Variants in GRIP1 observed in about 807,000 individuals in gnomAD.
GRIP1 encodes glutamate receptor-interacting protein 1.
In GRIP1, 45 loss-of-function variants were observed where a neutral mutation model predicts 129.9. The ratio of observed to expected loss-of-function variants is 0.35; its 90% CI spans 0.27 to 0.44. The LOEUF is 0.44. GRIP1 is among the 20% of genes least tolerant of loss of function. The pLI is 1.00. For missense variants in GRIP1, 1,196 were observed against 1,396.8 expected (o/e 0.86, Z 2.29); for synonymous variants, 530 against 520.8 (o/e 1.02, Z -0.24).
intron 1 of GRIP1, among the ~76,000 whole-genome samples, chr12:66,836,300 C>T (rs923201030): frequency 3.9e-5 from 6 of 152,152 alleles, no homozygotes; most frequent in African/African-American, 1.4e-4. Context: ...AACCTCATCT[C>T]CCTCAAGAAG....
intron 4 of GRIP1, among the ~76,000 whole-genome samples, chr12:66,536,909 G>T (rs1027412637): frequency 6.6e-6 from 1 of 152,084 alleles, no homozygotes; most frequent in African/African-American, 2.4e-5. Flanking sequence ...AGAGCAAAAA[G>T]CTATCTCAGG....
chr12:66,794,288 G>A (rs1382540022), intron 1 of GRIP1, among the ~76,000 whole-genome samples: 1 of 152,158 alleles, frequency 6.6e-6, no homozygotes. Context: ...GTGGCTTATG[G>A]GAATCAGTCT....
intron 1 of GRIP1, among the ~76,000 whole-genome samples, chr12:66,957,657 T>C (rs563839454): frequency 6.6e-6 from 1 of 152,134 alleles, no homozygotes; most frequent in Admixed American, 6.5e-5. Flanking sequence ...TGGTCATAGG[T>C]TCTGAAGAGT....
At chr12:66,391,537 G>A (rs560877028) in intron 19 of GRIP1, among the ~76,000 whole-genome samples, 1 of 152,178 alleles carries the variant, frequency 6.6e-6, no homozygotes, top group Admixed American at 6.5e-5. Context: ...TTCCTATATT[G>A]TGATTATAGT....
At chr12:66,677,366 T>C (rs2034385141) in intron 1 of GRIP1, among the ~76,000 whole-genome samples, 1 of 152,166 alleles carries the variant, frequency 6.6e-6, no homozygotes, top group African/African-American at 2.4e-5. Context: ...ATACTGATTG[T>C]TTCATGTTTA....
intron 1 of GRIP1, among the ~76,000 whole-genome samples, chr12:67,058,805 A>G (rs2043480925): frequency 1.3e-5 from 2 of 152,178 alleles, no homozygotes; most frequent in South Asian, 4.1e-4. Context: ...CCCCTTTATC[A>G]TACAGTCACC....
chr12:66,858,660 A>G (rs2040048442), intron 1 of GRIP1, among the ~76,000 whole-genome samples: 1 of 151,974 alleles, frequency 6.6e-6, no homozygotes, highest in South Asian at 2.1e-4. Flanking sequence ...AGAATTTATA[A>G]TAGGCTTCTT....
intron 9 of GRIP1, among the ~76,000 whole-genome samples, chr12:66,456,658 A>ATT (rs5798825): frequency 4.0e-5 from 6 of 151,722 alleles, no homozygotes; most frequent in African/African-American, 7.3e-5. Context: ...GATTAAGAAC[A>ATT]TTTTTTTTAA....
intron 4 of GRIP1, among the ~76,000 whole-genome samples, chr12:66,531,886 A>G (rs2061473949): frequency 6.6e-6 from 1 of 152,234 alleles, no homozygotes; most frequent in Admixed American, 6.5e-5. Flanking sequence ...GAACTCTGCA[A>G]AAATGGTTTA....
chr12:66,635,636 TA>T (rs1198554460), intron 1 of GRIP1, among the ~76,000 whole-genome samples: 2 of 151,876 alleles, frequency 1.3e-5, no homozygotes, highest in Non-Finnish European at 2.9e-5. Context: ...AAAGCCACCA[TA>T]AAGAGATTGT....
chr12:67,003,316 A>T (rs1386377789), intron 1 of GRIP1, among the ~76,000 whole-genome samples: 7 of 152,160 alleles, frequency 4.6e-5, no homozygotes, highest in Admixed American at 4.6e-4. Flanking sequence ...TTTTTCATTT[A>T]TAGTATTAAT....
At chr12:66,446,282 G>T (rs1050184049) in intron 11 of GRIP1, among the ~76,000 whole-genome samples, 1 of 151,966 alleles carries the variant, frequency 6.6e-6, no homozygotes, top group Non-Finnish European at 1.5e-5. Flanking sequence ...TCATGAAAGG[G>T]CTGCTCCACT....
chr12:66,815,557 T>C (rs2039190692), intron 1 of GRIP1, among the ~76,000 whole-genome samples: 1 of 151,994 alleles, frequency 6.6e-6, no homozygotes, highest in Admixed American at 6.6e-5. Flanking sequence ...GCCCAGGAGT[T>C]CAAGACCAGC....
chr12:66,736,290 T>C (rs2036594122), intron 1 of GRIP1, among the ~76,000 whole-genome samples: 1 of 146,240 alleles, frequency 6.8e-6, no homozygotes, highest in Non-Finnish European at 1.5e-5. Context: ...AGCAATCCTC[T>C]TACCTCAACC....
intron 1 of GRIP1, among the ~76,000 whole-genome samples, chr12:67,062,421 T>G (rs1177733407): frequency 1.3e-5 from 2 of 152,220 alleles, no homozygotes; most frequent in Non-Finnish European, 2.9e-5. Context: ...GCTCCTTGCC[T>G]GAAATTCCTT....
At chr12:66,841,770 CT>C (rs1449372194) in intron 1 of GRIP1, among the ~76,000 whole-genome samples, 18 of 152,108 alleles carry the variant, frequency 1.2e-4, no homozygotes, top group Non-Finnish European at 1.0e-4. Flanking sequence ...CTAAAGAAGC[CT>C]TTATCGCTTC....
chr12:66,979,252 A>AAAAACAC (rs772753895), intron 1 of GRIP1, among the ~76,000 whole-genome samples: 2 of 110,162 alleles, frequency 1.8e-5, no homozygotes, highest in Non-Finnish European at 3.6e-5. Context: ...AAAAAAAAAA[A>AAAAACAC]AACAAGCCCG....
At chr12:66,519,055 C>T (rs984071467) in intron 5 of GRIP1, among the ~76,000 whole-genome samples, 1 of 152,180 alleles carries the variant, frequency 6.6e-6, no homozygotes, top group Non-Finnish European at 1.5e-5. Context: ...TCAATTATTG[C>T]TCCCTTAATG....
intron 1 of GRIP1, among the ~76,000 whole-genome samples, chr12:66,827,657 T>C (rs146352873): frequency 6.2e-4 from 94 of 152,284 alleles, no homozygotes; most frequent in African/African-American, 2.1e-3. Context: ...CACTCATCTA[T>C]TTTAATGCTT....
Sources: allele counts gnomAD v4.1 joint callset (sites outside exome capture counted in the v4.1 genomes callset), GRCh38; gene constraint gnomAD v4.1.1; transcripts MANE v1.5; gene names NCBI Gene and HGNC (gene_info 2026-07-23, HGNC 2026-07-21).